PCSK6: variants seen among roughly 807,000 people sequenced by gnomAD.
The protein encoded by PCSK6 is paired basic amino acid cleaving enzyme 4.
A neutral mutation model predicts 123.3 loss-of-function variants in PCSK6; 85 were observed. The observed-to-expected ratio is 0.69, with a 90% CI of 0.58 to 0.83. The LOEUF (loss-of-function observed/expected upper bound fraction) is 0.83, where lower values mean the gene tolerates loss of function less well. Ranked by LOEUF, PCSK6 falls within the 40% of genes least tolerant of loss-of-function variation. PCSK6 has a pLI of 0.00. For synonymous variants in PCSK6, 508 were observed against 516.0 expected, an observed-to-expected ratio of 0.98 and a Z score of 0.21; for missense variants, 1,191 against 1,282.3, an observed-to-expected ratio of 0.93 and a Z score of 1.09.
At chr15:101,396,830 G>C (rs11247290) in intron 7 of PCSK6, among the ~76,000 whole-genome samples, 7 of 151,944 alleles carry the variant, frequency 4.6e-5, no homozygotes, top group African/African-American at 1.7e-4. Flanking sequence ...GTGTGCGTGC[G>C]TGTGTGTGTC....
Position 101,326,380 on chromosome 15 carries a change from C to T in PCSK6, c.2177G>A (p.Ser726Asn), listed in dbSNP as rs1478159203. ...AGGGCTGCGGGACATGCATTACCTG[C>T]TGGTCTTGACACTCCCCAGGCTGAA... is the stretch of plus-strand genomic sequence containing the variant. Reference protein sequence around the residue: ...VHFSLGSVKTSRKCVSVCPLG... With the variant: ...VHFSLGSVKTNRKCVSVCPLG... The change falls in exon 16 of 22, where the codon AGC (serine) becomes AAC (asparagine). Residue 726 changes from serine (S) to asparagine (N), a missense_variant. Around this residue, in one of 3 missense-constraint regions of PCSK6, gnomAD observed 630 missense variants for 631.4 expected, o/e 1.00. Coordinates refer to ENST00000611716, the MANE Select transcript of PCSK6 (RefSeq NM_002570.5). The T allele has an allele frequency of 1.9e-6, 3 of 1,568,568 alleles. No homozygotes were observed. The highest frequency in any genetic ancestry group is 2.7e-5 in the African/African-American group (2 of 73,656).
At chr15:101,454,097 A>G (rs1552952) in intron 1 of PCSK6, among the ~76,000 whole-genome samples, 36,489 of 152,252 alleles carry the variant, frequency 0.24, 4,890 homozygotes, top group South Asian at 0.34. Flanking sequence ...AAGGGAGGTC[A>G]TGTTGGAGGA....
At chr15:101,447,891 G>A (rs1465486448) in intron 1 of PCSK6, among the ~76,000 whole-genome samples, 1 of 152,194 alleles carries the variant, frequency 6.6e-6, no homozygotes. Context: ...ACGGACTGCC[G>A]CTATCGGAGG....
chr15:101,342,423 G>A (rs1596204587), intron 13 of PCSK6, among the ~76,000 whole-genome samples: 4 of 152,336 alleles, frequency 2.6e-5, no homozygotes, highest in Admixed American at 2.6e-4. Flanking sequence ...AAAGTGGAAT[G>A]CTGACAAATA....
intron 19 of PCSK6, chr15:101,316,341 A>G (rs1014442934): frequency 3.9e-5 from 6 of 152,244 alleles, no homozygotes; most frequent in Non-Finnish European, 8.8e-5. Context: ...AGCTGAAGTG[A>G]TGGAGAAGTC....
chr15:101,383,409 C>CAA (rs35670221), intron 10 of PCSK6, among the ~76,000 whole-genome samples: 1,441 of 75,368 alleles, frequency 0.019, 44 homozygotes, highest in African/African-American at 0.061. Flanking sequence ...GACTCTGTCT[C>CAA]AAAAAAAAAA....
intron 11 of PCSK6, among the ~76,000 whole-genome samples, chr15:101,373,442 C>G (rs766913722): frequency 6.6e-6 from 1 of 152,180 alleles, no homozygotes; most frequent in African/African-American, 2.4e-5. Context: ...TCTGGGGCAG[C>G]GCGGGAGCCC....
chr15:101,387,730 C>T (rs1354937980), intron 9 of PCSK6, among the ~76,000 whole-genome samples: 1 of 152,280 alleles, frequency 6.6e-6, no homozygotes, highest in Admixed American at 6.5e-5. Context: ...CAGGGAGCAT[C>T]TCCACCCAGA....
At chr15:101,334,402 A>G (rs1234722037) in intron 13 of PCSK6, 1 of 117,618 alleles carries the variant, frequency 8.5e-6, no homozygotes, top group East Asian at 2.7e-4. Context: ...TGCAGCAGTG[A>G]CACAGGAAGT....
At chr15:101,377,830 T>C (rs1467001275) in intron 11 of PCSK6, among the ~76,000 whole-genome samples, 1 of 152,138 alleles carries the variant, frequency 6.6e-6, no homozygotes, top group Non-Finnish European at 1.5e-5. Context: ...GGGTTGTGGG[T>C]GTGTGAAGAG....
chr15:101,430,089 AGGAGAAAT>A (rs768160601), intron 4 of PCSK6, 26 bp from the exon 5 acceptor site: 1 of 1,599,566 alleles, frequency 6.3e-7, no homozygotes. Flanking sequence ...GTGGTGAGTG[AGGAGAAAT>A]GGCATGTGAC....
At chr15:101,423,786 T>C (rs2056162219) in intron 6 of PCSK6, among the ~76,000 whole-genome samples, 1 of 151,554 alleles carries the variant, frequency 6.6e-6, no homozygotes, top group Non-Finnish European at 1.5e-5. Flanking sequence ...ATATTGACAA[T>C]TTTTTTTCCA....
intron 19 of PCSK6, among the ~76,000 whole-genome samples, chr15:101,314,502 G>A (rs866543791): frequency 6.6e-6 from 1 of 152,220 alleles, no homozygotes; most frequent in Non-Finnish European, 1.5e-5. Context: ...GTCGCAGATC[G>A]AGGCCTTGCA....
intron 6 of PCSK6, among the ~76,000 whole-genome samples, chr15:101,403,930 A>G (rs965343178): frequency 5.3e-5 from 8 of 152,354 alleles, no homozygotes; most frequent in Non-Finnish European, 1.2e-4. Flanking sequence ...CACGTTGGCC[A>G]GGCTGGTCTT....
At chr15:101,377,714 A>T (rs2041793037) in intron 11 of PCSK6, among the ~76,000 whole-genome samples, 3 of 152,258 alleles carry the variant, frequency 2.0e-5, no homozygotes, top group Admixed American at 2.0e-4. Flanking sequence ...ATATGCGGCT[A>T]ATCCAGAGTT....
At chr15:101,406,633 A>T (rs979846752) in intron 6 of PCSK6, among the ~76,000 whole-genome samples, 10 of 151,484 alleles carry the variant, frequency 6.6e-5, no homozygotes, top group African/African-American at 1.9e-4. Context: ...CCTCATTATC[A>T]CCTAAGACAA....
chr15:101,349,458 A>G (rs115372631), intron 13 of PCSK6, among the ~76,000 whole-genome samples: 1,760 of 152,304 alleles, frequency 0.012, 48 homozygotes, highest in African/African-American at 0.04. Context: ...TGGGTTCTGT[A>G]GAGGTCGCAG....
chr15:101,313,837 C>T (rs989458967), intron 19 of PCSK6: 7 of 232,714 alleles, frequency 3.0e-5, no homozygotes, highest in Admixed American at 2.6e-4. Flanking sequence ...AAATCCAGTG[C>T]CAAAGTCTTC....
chr15:101,438,865 G>A (rs2056677355), intron 2 of PCSK6, among the ~76,000 whole-genome samples: 1 of 152,248 alleles, frequency 6.6e-6, no homozygotes, highest in Non-Finnish European at 1.5e-5. Context: ...GCTTCCTGGT[G>A]GCAGGGATAT....
Sources: gnomAD v4.1 joint callset for allele counts (sites outside exome capture counted in the v4.1 genomes callset) on GRCh38, gnomAD v4.1.1 for gene constraint, gnomAD v4.1.1 regional missense constraint, MANE v1.5 for transcripts, NCBI Gene and HGNC (gene_info 2026-07-23, HGNC 2026-07-21) for gene names.